RPSA2: variants seen among roughly 807,000 people sequenced by gnomAD.
RPSA2 encodes the protein small ribosomal subunit protein uS2B.
chr19:23,760,669 ATT>A, the RPSA2 span, among the ~76,000 whole-genome samples: 2,356 of 83,282 alleles, frequency 0.028, 55 homozygotes, highest in African/African-American at 0.076. Flanking sequence ...ATATATATAT[ATT>A]TTTTTTTTTT....
the RPSA2 span, among the ~76,000 whole-genome samples, chr19:23,836,644 G>C: frequency 6.6e-6 from 1 of 152,184 alleles, no homozygotes; most frequent in East Asian, 1.9e-4. Flanking sequence ...CAGTGTGGAA[G>C]TGTTCTTTGA....
At chr19:23,766,393 C>A in the RPSA2 span, among the ~76,000 whole-genome samples, 3 of 151,488 alleles carry the variant, frequency 2.0e-5, no homozygotes, top group Non-Finnish European at 2.9e-5. Context: ...GAGGTCTTCC[C>A]CCAATGAGAT....
the RPSA2 span, among the ~76,000 whole-genome samples, chr19:23,822,182 C>G: frequency 0.051 from 7,762 of 152,262 alleles, 347 homozygotes; most frequent in South Asian, 0.08. Flanking sequence ...TATTGATTGC[C>G]TTTTTTCCAC....
At chr19:23,784,084 GCA>G in the RPSA2 span, among the ~76,000 whole-genome samples, 1 of 152,146 alleles carries the variant, frequency 6.6e-6, no homozygotes, top group East Asian at 1.9e-4. Flanking sequence ...ACTTGACAAA[GCA>G]CACAGATGTA....
the RPSA2 span, among the ~76,000 whole-genome samples, chr19:23,845,430 C>A: frequency 2.6e-5 from 4 of 151,976 alleles, no homozygotes; most frequent in Non-Finnish European, 5.9e-5. Context: ...TTTGATGTAT[C>A]TCACAGGTTT....
chr19:23,828,936 GACACACACACACAC>G, the RPSA2 span, among the ~76,000 whole-genome samples: 3 of 148,376 alleles, frequency 2.0e-5, no homozygotes, highest in African/African-American at 5.0e-5. Context: ...CCTAATGTGA[GACACACACACACAC>G]ACACACACAC....
chr19:23,869,637 A>G, the RPSA2 span, among the ~76,000 whole-genome samples: 1 of 152,134 alleles, frequency 6.6e-6, no homozygotes, highest in African/African-American at 2.4e-5. Context: ...CTCCTTCTTT[A>G]TACCACACCG....
the RPSA2 span, among the ~76,000 whole-genome samples, chr19:23,811,027 G>A: frequency 2.2e-5 from 3 of 134,750 alleles, no homozygotes; most frequent in Admixed American, 1.5e-4. Context: ...TTTTTTTTGA[G>A]ACGGAGTCTT....
chr19:23,832,783 C>G, the RPSA2 span: 2 of 1,570,506 alleles, frequency 1.3e-6, no homozygotes, highest in African/African-American at 2.7e-5. Flanking sequence ...TAAGATAATT[C>G]ATACTGGAGA....
At chr19:23,821,432 A>T in the RPSA2 span, among the ~76,000 whole-genome samples, 16 of 152,326 alleles carry the variant, frequency 1.1e-4, no homozygotes, top group South Asian at 3.3e-3. Flanking sequence ...CTGGAGCCCT[A>T]GTTAAGGCTT....
chr19:23,866,540 C>A, the RPSA2 span, among the ~76,000 whole-genome samples: 1 of 135,454 alleles, frequency 7.4e-6, no homozygotes, highest in African/African-American at 2.7e-5. Context: ...GGAAATAATG[C>A]CAGGACTCTG....
the RPSA2 span, among the ~76,000 whole-genome samples, chr19:23,786,849 T>C: frequency 6.6e-6 from 1 of 152,078 alleles, no homozygotes; most frequent in Non-Finnish European, 1.5e-5. Context: ...CCTGTGCCCT[T>C]CCTATAGGGG....
chr19:23,758,722 G>C, the RPSA2 span: 4 of 1,614,176 alleles, frequency 2.5e-6, no homozygotes, highest in Non-Finnish European at 3.4e-6. Flanking sequence ...CCCCTCTCTC[G>C]GGATGTCGGA....
At chr19:23,824,304 A>G in the RPSA2 span, among the ~76,000 whole-genome samples, 1 of 152,246 alleles carries the variant, frequency 6.6e-6, no homozygotes, top group South Asian at 2.1e-4. Flanking sequence ...CAGGCCTTGC[A>G]GCTGGTATAC....
chr19:23,781,400 G>A, the RPSA2 span, among the ~76,000 whole-genome samples: 3 of 152,122 alleles, frequency 2.0e-5, no homozygotes, highest in Non-Finnish European at 4.4e-5. Flanking sequence ...GTGCAGTGGT[G>A]TGATCTTGGC....
chr19:23,833,852 G>A, the RPSA2 span, among the ~76,000 whole-genome samples: 3 of 152,006 alleles, frequency 2.0e-5, no homozygotes, highest in East Asian at 3.8e-4. Flanking sequence ...AAATCTTATT[G>A]TACACATTTT....
the RPSA2 span, among the ~76,000 whole-genome samples, chr19:23,861,606 C>G: frequency 6.6e-6 from 1 of 152,116 alleles, no homozygotes; most frequent in African/African-American, 2.4e-5. Context: ...GCTTTAGTGT[C>G]TTGTTGAACT....
the RPSA2 span, among the ~76,000 whole-genome samples, chr19:23,767,849 C>T: frequency 6.6e-6 from 1 of 150,694 alleles, no homozygotes; most frequent in African/African-American, 2.4e-5. Flanking sequence ...TCACCACAAC[C>T]TCCGCCTCCC....
At chr19:23,846,463 T>C in the RPSA2 span, among the ~76,000 whole-genome samples, 4 of 152,198 alleles carry the variant, frequency 2.6e-5, no homozygotes, top group Non-Finnish European at 5.9e-5. Context: ...ATAAGGCCTG[T>C]TTTATACTTT....
Sources: allele counts gnomAD v4.1 joint callset (sites outside exome capture counted in the v4.1 genomes callset), GRCh38; gene constraint gnomAD v4.1.1; transcripts MANE v1.5; gene names NCBI Gene and HGNC (gene_info 2026-07-23, HGNC 2026-07-21).